Variants in CACNA2D3 observed in about 807,000 individuals in gnomAD.
CACNA2D3 encodes calcium voltage-gated channel auxiliary subunit alpha2delta 3, also known as voltage-dependent calcium channel subunit alpha-2/delta-3.
A neutral mutation model predicts 160.6 loss-of-function variants in CACNA2D3; 60 were observed. That is an observed-to-expected ratio of 0.37 (90% CI 0.30 to 0.46). CACNA2D3 has a LOEUF of 0.46. CACNA2D3 is among the 20% of genes least tolerant of loss of function. The probability of loss-of-function intolerance (pLI) is 1.00; values close to 1 mark genes in which losing one functional copy is unlikely to be tolerated. For synonymous variants in CACNA2D3, 558 were observed against 492.9 expected, an observed-to-expected ratio of 1.13 and a Z score of -1.75; for missense variants, 1,205 against 1,365.0, an observed-to-expected ratio of 0.88 and a Z score of 1.85.
chr3:54,175,288 G>A (rs1700653011), intron 2 of CACNA2D3, among the ~76,000 whole-genome samples: 1 of 152,076 alleles, frequency 6.6e-6, no homozygotes, highest in East Asian at 1.9e-4. Context: ...GTTTCCTCTG[G>A]CCCTCTCAAG....
chr3:54,258,407 C>A (rs1412598476), intron 2 of CACNA2D3, among the ~76,000 whole-genome samples: 1 of 152,152 alleles, frequency 6.6e-6, no homozygotes, highest in Non-Finnish European at 1.5e-5. Flanking sequence ...CTTGAGAAGA[C>A]AAACAATAAC....
intron 13 of CACNA2D3, among the ~76,000 whole-genome samples, chr3:54,774,697 C>A (rs6809715): frequency 0.25 from 35,898 of 141,008 alleles, 4,479 homozygotes; most frequent in Admixed American, 0.33. Flanking sequence ...TGCAGTGGTA[C>A]GATCTTGGCT....
At chr3:54,982,280 C>G (rs1352537180) in intron 29 of CACNA2D3, among the ~76,000 whole-genome samples, 2 of 152,168 alleles carry the variant, frequency 1.3e-5, no homozygotes, top group East Asian at 3.9e-4. Flanking sequence ...CTAGGAATGA[C>G]TCTAACCTTC....
At chr3:54,349,530 G>C (rs1430485136) in intron 3 of CACNA2D3, among the ~76,000 whole-genome samples, 3 of 152,152 alleles carry the variant, frequency 2.0e-5, no homozygotes, top group Admixed American at 6.5e-5. Flanking sequence ...TCTTTTCGGA[G>C]CATTGCTGTG....
chr3:54,378,582 G>A (rs760251350), intron 3 of CACNA2D3, among the ~76,000 whole-genome samples: 2 of 152,198 alleles, frequency 1.3e-5, no homozygotes, highest in Non-Finnish European at 2.9e-5. Flanking sequence ...AAGAAATAGT[G>A]CAGTTACCTC....
intron 3 of CACNA2D3, among the ~76,000 whole-genome samples, chr3:54,334,129 C>T (rs979547116): frequency 6.6e-6 from 1 of 152,124 alleles, no homozygotes; most frequent in Admixed American, 6.6e-5. Context: ...TCTCACTCTG[C>T]TAGCTGGAGT....
At chr3:54,403,399 G>GCA (rs1258540006) in intron 4 of CACNA2D3, among the ~76,000 whole-genome samples, 26 of 114,908 alleles carry the variant, frequency 2.3e-4, no homozygotes, top group African/African-American at 7.6e-4. Context: ...ACACACACAC[G>GCA]CACACACAAT....
intron 5 of CACNA2D3, among the ~76,000 whole-genome samples, chr3:54,512,913 G>A (rs1701482171): frequency 6.6e-6 from 1 of 152,216 alleles, no homozygotes; most frequent in African/African-American, 2.4e-5. Context: ...GGAAGGCAAG[G>A]AGGAGCAAGT....
At chr3:54,349,526 C>T (rs896228340) in intron 3 of CACNA2D3, among the ~76,000 whole-genome samples, 10 of 152,148 alleles carry the variant, frequency 6.6e-5, no homozygotes, top group Non-Finnish European at 1.5e-4. Context: ...CTTATCTTTT[C>T]GGAGCATTGC....
intron 2 of CACNA2D3, among the ~76,000 whole-genome samples, chr3:54,218,599 T>A (rs1701506185): frequency 6.6e-6 from 1 of 152,220 alleles, no homozygotes; most frequent in African/African-American, 2.4e-5. Flanking sequence ...AGGATTTTAG[T>A]CAGTGTGTTA....
intron 2 of CACNA2D3, among the ~76,000 whole-genome samples, chr3:54,223,752 T>G (rs1701618078): frequency 6.7e-6 from 1 of 149,674 alleles, no homozygotes; most frequent in Non-Finnish European, 1.5e-5. Context: ...CTCAGGAGGC[T>G]GAGGCAGGAG....
At chr3:54,469,168 A>G (rs1700684746) in intron 4 of CACNA2D3, among the ~76,000 whole-genome samples, 2 of 152,112 alleles carry the variant, frequency 1.3e-5, no homozygotes, top group Admixed American at 6.5e-5. Context: ...GACACCTCAT[A>G]CAGGAGAGCT....
intron 9 of CACNA2D3, among the ~76,000 whole-genome samples, chr3:54,583,396 T>C (rs1193492198): frequency 2.0e-5 from 3 of 152,226 alleles, no homozygotes; most frequent in Admixed American, 2.0e-4. Flanking sequence ...TACTTTTGAA[T>C]ATAAAAACTA....
intron 11 of CACNA2D3, among the ~76,000 whole-genome samples, chr3:54,751,213 T>G (rs1424068376): frequency 6.6e-6 from 1 of 152,182 alleles, no homozygotes; most frequent in African/African-American, 2.4e-5. Flanking sequence ...GAGAGAGGTC[T>G]GTCTGCCTGC....
chr3:54,861,008 T>G (rs1699279359), intron 17 of CACNA2D3, among the ~76,000 whole-genome samples: 1 of 152,224 alleles, frequency 6.6e-6, no homozygotes, highest in Non-Finnish European at 1.5e-5. Context: ...GGTCCACTCA[T>G]TCGTCACATA....
Position 54,249,558 on chromosome 3 carries a change from T to TACACACACACACACAC in CACNA2D3, c.205-70869_205-70854dup, listed in dbSNP as rs149515122. On this transcript the variant is annotated intron_variant, in intron 2 of 37. Transcript: ENST00000474759. ...CTTAGAATAAATGTCTCTGTTTACG[T>TACACACACACACACAC]ACACACACACACACACACACACACA... 3.3e-3 allele frequency among the ~76,000 whole-genome samples: 409 copies of TACACACACACACACAC among 123,864 alleles called. 12 individuals are homozygous for TACACACACACACACAC. The highest frequency in any genetic ancestry group is 0.01 in the African/African-American group (290 of 28,684). The allele number at this position is 123,864 out of a possible 152,430, so 81.3% of individuals were successfully genotyped here.
chr3:54,784,198 G>A (rs1028879968), intron 13 of CACNA2D3, among the ~76,000 whole-genome samples: 3 of 152,130 alleles, frequency 2.0e-5, no homozygotes, highest in Admixed American at 6.5e-5. Context: ...CAAGGTGTCC[G>A]GAAGGCAGGC....
chr3:54,631,473 T>C (rs1163454946), intron 10 of CACNA2D3, among the ~76,000 whole-genome samples: 1 of 152,132 alleles, frequency 6.6e-6, no homozygotes, highest in East Asian at 1.9e-4. Context: ...ATTATTATCT[T>C]CCTGTGTATT....
chr3:54,647,398 C>T (rs1036323832), intron 11 of CACNA2D3, among the ~76,000 whole-genome samples: 1 of 152,136 alleles, frequency 6.6e-6, no homozygotes, highest in Non-Finnish European at 1.5e-5. Context: ...TTTATTATTT[C>T]TTGTGATTCT....
Sources: allele counts gnomAD v4.1 joint callset (sites outside exome capture counted in the v4.1 genomes callset), GRCh38; gene constraint gnomAD v4.1.1; transcripts MANE v1.5; gene names NCBI Gene and HGNC (gene_info 2026-07-23, HGNC 2026-07-21).